The following ERMAP variants were observed in gnomAD, a reference collection of about 807,000 sequenced individuals.
ERMAP encodes erythroblast membrane associated protein (Scianna blood group).
In ERMAP, 34 loss-of-function variants were observed where a neutral mutation model predicts 49.5. The observed-to-expected ratio is 0.69, with a 90% CI of 0.52 to 0.91. The LOEUF (loss-of-function observed/expected upper bound fraction) is 0.91, where lower values mean the gene tolerates loss of function less well. Among genes scored for constraint, ERMAP ranks in the 40% least tolerant of loss-of-function variants. ERMAP has a pLI of 0.00. For synonymous variants in ERMAP, 214 were observed against 232.2 expected (o/e 0.92, Z 0.71); for missense variants, 541 against 582.6 (o/e 0.93, Z 0.74).
chr1:42,836,214 C>T lies in ERMAP; in HGVS notation c.583+450C>T, dbSNP rs1015483303. On this transcript the variant is annotated intron_variant, in intron 6 of 11. Transcript: ENST00000372517. The stretch of plus-strand genomic sequence containing the variant: ...CACAAATAAATGTGTACAAAAGCTA[C>T]ACAAGAAAGCTCCTGGTTCTGTGAA... Among the ~76,000 whole-genome samples the T allele has an allele frequency of 5.3e-5, 8 of 152,206 alleles. No homozygotes were observed. In the South Asian group the frequency reaches 1.5e-3, roughly 28 times the overall value.
chr1:42,830,071 C>G (rs1654670529), intron 2 of ERMAP: 1 of 182,226 alleles, frequency 5.5e-6, no homozygotes, highest in Non-Finnish European at 1.2e-5. Context: ...AAGGCCATTA[C>G]TGGTGTTTCC....
At position 42,840,403 on chromosome 1, in the gene ERMAP, T is replaced by A. The variant is rs1184301326; in HGVS notation, c.712+107T>A. The A allele has an allele frequency of 3.6e-6, 5 of 1,378,532 alleles. No individual in the cohort carries two copies. In the East Asian group the frequency reaches 1.2e-4, roughly 32 times the overall value. 85.4% of individuals were successfully genotyped at this position (1,378,532 alleles called of 1,614,324 possible). ...CTCTGGAATGCAGGTAATTTAAAAA[T>A]TTTTAAATCAAATCTGTATATCTGA... On this transcript the variant is annotated intron_variant, in intron 11 of 11. Transcript: ENST00000372517.
At chr1:42,828,251 A>C (rs1383847277) in intron 2 of ERMAP, among the ~76,000 whole-genome samples, 1 of 152,002 alleles carries the variant, frequency 6.6e-6, no homozygotes, top group Non-Finnish European at 1.5e-5. Flanking sequence ...ATGGAGTGAC[A>C]ATCTAACAGA....
chr1:42,842,413 A>T, intron 11 of ERMAP, 104 bp from the exon 12 acceptor site: 1 of 983,766 alleles, frequency 1.0e-6, no homozygotes, highest in Non-Finnish European at 1.5e-6. Flanking sequence ...AAAATGGGCT[A>T]ATGACAGTGA....
Position 42,830,833 on chromosome 1 carries a change from C to T in ERMAP, c.151C>T (p.Pro51Ser). ...LLGGTAELLCPLSLWPGTVPK... is the reference protein window; with the variant it reads ...LLGGTAELLCSLSLWPGTVPK... ...AGGGGGCACAGCCGAGCTGCTCTGC[C>T]CTCTCTCCCTCTGGCCCGGGACGGT... The change falls in exon 4 of 12, where the codon CCT becomes TCT. Residue 51 changes from proline to serine, a missense_variant. Pro to Ser is a moderately conservative substitution (Grantham distance 74). Transcript: ENST00000372517. 1 of 1,598,634 alleles carries T rather than the reference C, an allele frequency of 6.3e-7. No individual in the cohort carries two copies. Among genetic ancestry groups the T allele is most frequent in the Non-Finnish European group, 8.5e-7 (1 of 1,172,772 alleles).
chr1:42,835,888 T>C (rs892049987), intron 6 of ERMAP, 124 bp downstream of exon 6: 11 of 1,436,074 alleles, frequency 7.7e-6, no homozygotes, highest in Middle Eastern at 1.8e-4. Flanking sequence ...TTGGTGATGG[T>C]GGCAATGTCT....
chr1:42,832,179 AT>A (rs75673269), intron 4 of ERMAP, among the ~76,000 whole-genome samples: 774 of 96,672 alleles, frequency 8.0e-3, no homozygotes, highest in African/African-American at 0.031. Flanking sequence ...GTGAAAATTA[AT>A]TTTTTTTTTT....
chr1:42,839,323 A>G (rs1654990862), intron 8 of ERMAP: 1 of 204,264 alleles, frequency 4.9e-6, no homozygotes, highest in Non-Finnish European at 1.0e-5. Context: ...ACATTAAAAA[A>G]AAATCTGGCC....
Position 42,818,760 on chromosome 1 carries a change from TGCGCCCA to T in ERMAP, c.-122+1510_-122+1516del, listed in dbSNP as rs558667249. On this transcript the variant is annotated intron_variant, in intron 1 of 11. Coordinates refer to ENST00000372517, the MANE Select transcript of ERMAP (RefSeq NM_001017922.2). Reference sequence around the variant, plus strand: ...TGCTGGGATTACAGATGTGAGCAATTGCGCCCAGCTTTTCCAAAATTTCTACAGTAAA... The same window carrying T: ...TGCTGGGATTACAGATGTGAGCAATTGCTTTTCCAAAATTTCTACAGTAAA... 1.1e-3 allele frequency among the ~76,000 whole-genome samples: 164 copies of T among 152,318 alleles called. No homozygotes were observed. The South Asian group carries it at 0.012, about 11-fold the overall frequency.
intron 11 of ERMAP, among the ~76,000 whole-genome samples, chr1:42,840,625 CT>C (rs1162194822): frequency 6.6e-6 from 1 of 151,606 alleles, no homozygotes; most frequent in Non-Finnish European, 1.5e-5. Context: ...TCTATTTGGG[CT>C]TTTTTTTGAT....
chr1:42,818,223 C>T (rs1468647295), intron 1 of ERMAP, among the ~76,000 whole-genome samples: 1 of 152,214 alleles, frequency 6.6e-6, no homozygotes, highest in Non-Finnish European at 1.5e-5. Flanking sequence ...CGTTAACAGC[C>T]TTTCTGGAGG....
rs1872262 is a variant in ERMAP at position 42,819,208 on chromosome 1, C to A, written c.-122+1955C>A. ...GTGTGTGTGTGTGTGTGTGTGTGTG[C>A]GCGCGCGCAAGAGAGGGACCGAGAG... is the stretch of plus-strand genomic sequence containing the variant. On this transcript the variant is annotated intron_variant, in intron 1 of 11. Coordinates refer to ENST00000372517, the MANE Select transcript of ERMAP (RefSeq NM_001017922.2). This position sits in a 1 kb window ranked among gnomAD's most constrained non-coding sequence, Gnocchi z 5.1. 0.8 allele frequency among the ~76,000 whole-genome samples: 114,756 copies of A among 143,060 alleles called. 44,150 individuals are homozygous for A. The highest frequency in any genetic ancestry group is 0.97 in the East Asian group (4,958 of 5,092). 93.9% of individuals were successfully genotyped at this position (143,060 alleles called of 152,430 possible).
rs771684891 is a variant in ERMAP at position 42,842,852 on chromosome 1, C to T, written c.1048C>T (p.Arg350Cys). 3.5e-5 allele frequency: 56 copies of T among 1,614,074 alleles called. No individual in the cohort carries two copies. In the Middle Eastern group the frequency reaches 4.9e-4, roughly 14 times the overall value. Residue 350 changes from arginine to cysteine, a missense_variant, in exon 12 of 12, where the codon CGC (arginine) becomes TGC (cysteine). Physicochemically the swap from Arg to Cys is radical, Grantham distance 180. Transcript: ENST00000372517. ...EALTSPQTSF[R>C]LKEPPRCVGI... ...TCTCACATCCCCGCAGACCTCCTTC[C>T]GCCTTAAAGAGCCTCCACGGTGTGT...
chr1:42,822,000 T>C (rs1339492196), intron 1 of ERMAP, among the ~76,000 whole-genome samples: 1 of 145,568 alleles, frequency 6.9e-6, no homozygotes, highest in Non-Finnish European at 1.5e-5. Flanking sequence ...GCAACAGAGC[T>C]AGACCCTAGC....
chr1:42,826,340 CA>C (rs575330810), intron 2 of ERMAP, among the ~76,000 whole-genome samples: 4 of 147,592 alleles, frequency 2.7e-5, no homozygotes, highest in Admixed American at 6.7e-5. Flanking sequence ...CACCATCAAA[CA>C]AAAAAAAAGG....
chr1:42,844,390 G>A lies in ERMAP; in HGVS notation c.*1158G>A, dbSNP rs141798546. Reference sequence around the variant, plus strand: ...TACACAGTTCTATCCAACAGAAACTGTATCTTTCTGTTTGTCAGAAGTTCT... The same window carrying A: ...TACACAGTTCTATCCAACAGAAACTATATCTTTCTGTTTGTCAGAAGTTCT... On this transcript the variant is annotated 3_prime_UTR_variant, in exon 12 of 12. Transcript: ENST00000372517. The surrounding 1 kb of genome is among the most constrained non-coding windows in gnomAD (Gnocchi z 4.0). 89 of 334,936 alleles carry A rather than the reference G, an allele frequency of 2.7e-4. No individual in the cohort carries two copies. The highest frequency in any genetic ancestry group is 1.8e-3 in the African/African-American group (84 of 47,254). The allele number at this position is 334,936 out of a possible 1,614,324, so 20.7% of individuals were successfully genotyped here.
intron 1 of ERMAP, 110 bp downstream of exon 1, chr1:42,817,363 G>A (rs948479687): frequency 2.6e-5 from 18 of 688,714 alleles, no homozygotes; most frequent in Middle Eastern, 4.6e-4. Context: ...AGCGCCAGGA[G>A]GCTTCCGCCC....
At chr1:42,842,461 C>A in intron 11 of ERMAP, 56 bp from the exon 12 acceptor site, 3 of 1,499,374 alleles carry the variant, frequency 2.0e-6, no homozygotes, top group Non-Finnish European at 2.7e-6. Flanking sequence ...CAAAGCCATC[C>A]CCAAATCCCT....
At chr1:42,840,898 T>C (rs754485627) in intron 11 of ERMAP, among the ~76,000 whole-genome samples, 1 of 152,120 alleles carries the variant, frequency 6.6e-6, no homozygotes, top group Non-Finnish European at 1.5e-5. Flanking sequence ...GCAGACCAAT[T>C]TGCTTAGGGG....
Sources: allele counts gnomAD v4.1 joint callset (sites outside exome capture counted in the v4.1 genomes callset), GRCh38; gene constraint gnomAD v4.1.1; non-coding constraint Gnocchi (gnomAD v3.1); transcripts MANE v1.5; gene names NCBI Gene and HGNC (gene_info 2026-07-23, HGNC 2026-07-21).